The following BTG4 variants were observed in gnomAD, a reference collection of about 807,000 sequenced individuals.
BTG4 encodes protein BTG4.
BTG4 carries 10 observed loss-of-function variants against 19.3 expected under a neutral mutation model. The ratio of observed to expected loss-of-function variants is 0.52; its 90% CI spans 0.32 to 0.88. The LOEUF (loss-of-function observed/expected upper bound fraction) is 0.88, where lower values mean the gene tolerates loss of function less well. BTG4 is among the 40% of genes least tolerant of loss of function. BTG4 has a pLI of 0.04. For synonymous variants in BTG4, 91 were observed against 95.7 expected (o/e 0.95, Z 0.29); for missense variants, 238 against 281.9 (o/e 0.84, Z 1.11).
the BTG4 span, among the ~76,000 whole-genome samples, chr11:111,438,120 G>C: frequency 6.6e-6 from 1 of 152,210 alleles, no homozygotes; most frequent in African/African-American, 2.4e-5. Flanking sequence ...GAGGGGAAGG[G>C]GGCTGCCAGG....
At chr11:111,395,431 A>G in the BTG4 span, among the ~76,000 whole-genome samples, 2 of 152,080 alleles carry the variant, frequency 1.3e-5, no homozygotes, top group Admixed American at 6.5e-5. Flanking sequence ...CCAGCACTCC[A>G]GCAGAGTATG....
chr11:111,413,974 C>T, the BTG4 span, among the ~76,000 whole-genome samples: 2 of 152,214 alleles, frequency 1.3e-5, no homozygotes, highest in Non-Finnish European at 2.9e-5. Context: ...TTCCCGCCCC[C>T]ACCTCAGCTA....
chr11:111,398,621 T>C, the BTG4 span, among the ~76,000 whole-genome samples: 84 of 151,980 alleles, frequency 5.5e-4, no homozygotes, highest in African/African-American at 2.0e-3. Context: ...GCCCGGCTAA[T>C]TTTTTTGTAT....
At chr11:111,505,623 TAGAGAAA>T in intron 1 of BTG4, among the ~76,000 whole-genome samples, 1 of 151,262 alleles carries the variant, frequency 6.6e-6, no homozygotes, top group African/African-American at 2.5e-5. Context: ...AAAACGAAGA[TAGAGAAA>T]TAGGACATAA....
At chr11:111,485,726 TAGA>T (rs1353387250) in intron 5 of BTG4, among the ~76,000 whole-genome samples, 5 of 151,738 alleles carry the variant, frequency 3.3e-5, no homozygotes, top group Admixed American at 6.6e-5. Context: ...CAAAAACCAG[TAGA>T]AGAAGTGAAA....
At chr11:111,421,557 C>T in the BTG4 span, among the ~76,000 whole-genome samples, 1 of 152,198 alleles carries the variant, frequency 6.6e-6, no homozygotes, top group Non-Finnish European at 1.5e-5. Flanking sequence ...TAGACCTGCC[C>T]AGCTTGCAGG....
At chr11:111,440,436 A>G in the BTG4 span, among the ~76,000 whole-genome samples, 1 of 152,228 alleles carries the variant, frequency 6.6e-6, no homozygotes, top group African/African-American at 2.4e-5. Context: ...TCCTGGTCCC[A>G]ATGTCTAAAT....
chr11:111,451,836 T>C, the BTG4 span, among the ~76,000 whole-genome samples: 4 of 152,176 alleles, frequency 2.6e-5, no homozygotes, highest in Non-Finnish European at 5.9e-5. Flanking sequence ...CTGATGTCCC[T>C]ATCAGTTTCA....
downstream of BTG4, chr11:111,466,632 A>T (rs1863736987): frequency 1.3e-5 from 2 of 152,456 alleles, no homozygotes; most frequent in African/African-American, 2.4e-5. Flanking sequence ...GATGGATGAT[A>T]GATGGTTGCA....
the BTG4 span, chr11:111,453,429 C>T: frequency 2.2e-6 from 1 of 456,516 alleles, no homozygotes; most frequent in Non-Finnish European, 4.4e-6. Context: ...ACAGCCTGAG[C>T]TGGGCTCGGA....
At chr11:111,445,868 T>A in the BTG4 span, among the ~76,000 whole-genome samples, 1 of 152,130 alleles carries the variant, frequency 6.6e-6, no homozygotes, top group African/African-American at 2.4e-5. Flanking sequence ...CTAGGATCCC[T>A]TCCAGCTCTA....
At chr11:111,509,618 C>T (rs192453905) in intron 1 of BTG4, among the ~76,000 whole-genome samples, 1 of 152,004 alleles carries the variant, frequency 6.6e-6, no homozygotes, top group African/African-American at 2.4e-5. Flanking sequence ...ATCGCTTGAA[C>T]CTAGGAGACA....
At chr11:111,490,344 G>C (rs898029939), downstream of BTG4, among the ~76,000 whole-genome samples, 1 of 151,512 alleles carries the variant, frequency 6.6e-6, no homozygotes, top group African/African-American at 2.4e-5. Flanking sequence ...AATGATCAAC[G>C]CTTGAGGTGA....
intron 5 of BTG4, among the ~76,000 whole-genome samples, chr11:111,485,122 T>C (rs767498332): frequency 6.6e-6 from 1 of 152,136 alleles, no homozygotes; most frequent in Non-Finnish European, 1.5e-5. Context: ...AAGAAAATAT[T>C]ACTGGAGCCA....
At chr11:111,471,109 A>G (rs1591448109) in intron 5 of BTG4, among the ~76,000 whole-genome samples, 1 of 152,304 alleles carries the variant, frequency 6.6e-6, no homozygotes, top group East Asian at 1.9e-4. Flanking sequence ...TTTCAAAGCC[A>G]CTTTTATATA....
At chr11:111,436,943 C>T in the BTG4 span, among the ~76,000 whole-genome samples, 2 of 152,238 alleles carry the variant, frequency 1.3e-5, no homozygotes, top group African/African-American at 2.4e-5. Flanking sequence ...CCACCATCAC[C>T]CTGCCCTGGG....
chr11:111,502,356 A>G (rs980869171), intron 1 of BTG4, among the ~76,000 whole-genome samples: 4 of 152,202 alleles, frequency 2.6e-5, no homozygotes, highest in African/African-American at 4.8e-5. Flanking sequence ...ACGTGCAGCA[A>G]AAGTGGAAAT....
the BTG4 span, among the ~76,000 whole-genome samples, chr11:111,413,572 G>A: frequency 6.6e-6 from 1 of 152,348 alleles, no homozygotes; most frequent in East Asian, 1.9e-4. Context: ...GAGGCTTACA[G>A]TCATACCTAG....
chr11:111,484,912 T>A (rs1329191239), intron 5 of BTG4, among the ~76,000 whole-genome samples: 1 of 151,864 alleles, frequency 6.6e-6, no homozygotes, highest in Non-Finnish European at 1.5e-5. Context: ...AAGGCACACA[T>A]AGACTGAAAA....
Sources: gnomAD v4.1 joint callset for allele counts (sites outside exome capture counted in the v4.1 genomes callset) on GRCh38, gnomAD v4.1.1 for gene constraint, MANE v1.5 for transcripts, NCBI Gene and HGNC (gene_info 2026-07-23, HGNC 2026-07-21) for gene names.